The following DHX29 variants were observed in gnomAD, a reference collection of about 807,000 sequenced individuals.
DHX29 encodes ATP-dependent RNA helicase DHX29.
Under a neutral mutation model 167.9 loss-of-function variants are expected in DHX29, and 79 were observed. The observed-to-expected ratio is 0.47, with a 90% CI of 0.39 to 0.57. DHX29 has a LOEUF of 0.57. Among genes scored for constraint, DHX29 ranks in the 20% least tolerant of loss-of-function variants. DHX29 has a pLI of 0.00. For synonymous variants in DHX29, 530 were observed against 546.0 expected, an observed-to-expected ratio of 0.97 and a Z score of 0.41; for missense variants, 1,347 against 1,593.4, an observed-to-expected ratio of 0.85 and a Z score of 2.63.
chr5:55,259,685 A>G (rs71622170), intron 26 of DHX29, among the ~76,000 whole-genome samples, 163 bp downstream of exon 26: 8,924 of 152,160 alleles, frequency 0.059, 462 homozygotes, highest in African/African-American at 0.12. Flanking sequence ...CGAACTCCTG[A>G]CCTCAGGTGA....
chr5:55,270,895 AT>A (rs1327068136), intron 18 of DHX29, among the ~76,000 whole-genome samples, 189 bp from the exon 19 acceptor site: 1 of 152,232 alleles, frequency 6.6e-6, no homozygotes. Context: ...TATACTACAA[AT>A]TAAAAGTCTG....
intron 1 of DHX29, among the ~76,000 whole-genome samples, chr5:55,302,640 A>T (rs1748663386): frequency 6.6e-6 from 1 of 151,840 alleles, no homozygotes; most frequent in South Asian, 2.1e-4. Context: ...TACCCAGTTG[A>T]AAAGATTAAA....
chr5:55,290,336 C>A lies in DHX29; in HGVS notation c.789G>T (p.Arg263Ser). The A allele has an allele frequency of 6.3e-7, 1 of 1,598,838 alleles. No homozygotes were observed. The highest frequency in any genetic ancestry group is 8.5e-7 in the Non-Finnish European group (1 of 1,176,170). Residue 263 changes from arginine (R) to serine (S), a missense_variant, in exon 7 of 27, where the codon AGG becomes AGT. Transcript: ENST00000251636. ...EEEEKFDPNERYLHLAAKLLD... is the reference protein window; with the variant it reads ...EEEEKFDPNESYLHLAAKLLD... ...GCAGTTTTGCTGCAAGATGTAAGTACCTTTCATTCTGTTCCAAATAAAACA... is the reference window on the plus strand; with the variant it reads ...GCAGTTTTGCTGCAAGATGTAAGTAACTTTCATTCTGTTCCAAATAAAACA...
chr5:55,276,284 C>T lies in DHX29; in HGVS notation c.2409G>A (p.Gly803=). The T allele has an allele frequency of 6.3e-7, 1 of 1,581,176 alleles. No homozygotes were observed. Among genetic ancestry groups the T allele is most frequent in the Non-Finnish European group, 8.5e-7 (1 of 1,170,680 alleles). Residue 803 remains glycine (G), a synonymous_variant, in exon 14 of 27, where the codon GGG becomes GGA. Transcript: ENST00000251636. Reference sequence around the variant, plus strand: ...TTTTTACCTGATATTTTTTTATTCCCCCTGCTTTGCTTGTAACATTAATGG... The same window carrying T: ...TTTTTACCTGATATTTTTTTATTCCTCCTGCTTTGCTTGTAACATTAATGG... ...EVTINVTSKA[G]GIKKYQEYIP...
intron 1 of DHX29, among the ~76,000 whole-genome samples, chr5:55,299,401 T>C (rs190963520): frequency 9.3e-4 from 141 of 152,278 alleles, no homozygotes; most frequent in Non-Finnish European, 1.6e-3. Context: ...GGAGTTCCTA[T>C]CATCTTTTCT....
chr5:55,274,961 TA>T lies in DHX29; in HGVS notation c.2476del (p.Tyr826ThrfsTer15). The part of the protein sequence containing the change: ...TGAHADLNPF[Y>X]QKYSSRTQHA... ...CTGAGTGCGGCTGCTGTACTTTTGG[TA>T]AAATGGATTTAAATCAGCATGTGCT... is the stretch of plus-strand genomic sequence containing the variant. On this transcript the variant is annotated frameshift_variant, in exon 15 of 27. Coordinates refer to ENST00000251636, the MANE Select transcript of DHX29 (RefSeq NM_019030.4). LOFTEE classifies it high-confidence loss of function. 1 of 1,613,892 alleles carries T rather than the reference TA, an allele frequency of 6.2e-7. No individual in the cohort carries two copies. Among genetic ancestry groups the T allele is most frequent in the Middle Eastern group, 1.7e-4 (1 of 6,054 alleles).
chr5:55,290,417 CTG>C (rs1194018974), intron 6 of DHX29, 73 bp from the exon 7 acceptor site: 27 of 1,460,486 alleles, frequency 1.8e-5, no homozygotes, highest in African/African-American at 2.9e-5. Context: ...GGTCAATAAA[CTG>C]TATCAAAATC....
rs373038819 is a variant in DHX29 at position 55,276,860 on chromosome 5, C to T, written c.2286+246G>A. On this transcript the variant is annotated intron_variant, in intron 13 of 26. Transcript: ENST00000251636. ...CTTAATCTGAATATAATGATTTTCA[C>T]GTGAAAATAGGTTTATGTTCTTTAG... 1.7e-4 allele frequency among the ~76,000 whole-genome samples: 26 copies of T among 152,180 alleles called. No individual in the cohort carries two copies. The South Asian group carries it at 4.6e-3, about 27-fold the overall frequency.
rs2111963997 is a variant in DHX29 at position 55,297,335 on chromosome 5, T to C, written c.325A>G (p.Asn109Asp). ...CCAGAAATCATTCCTTTGTCATTATTTTGCTTTTTATGCTCATTGATCACT... is the reference window on the plus strand; with the variant it reads ...CCAGAAATCATTCCTTTGTCATTATCTTGCTTTTTATGCTCATTGATCACT... ...IGVINEHKKQ[N>D]NDKGMISGRL... The change falls in exon 3 of 27, where the codon AAT becomes GAT. Residue 109 changes from asparagine to aspartate, a missense_variant. Around this residue, in one of 3 missense-constraint regions of DHX29, gnomAD observed 405 missense variants for 416.8 expected, o/e 0.97. Coordinates refer to ENST00000251636, the MANE Select transcript of DHX29 (RefSeq NM_019030.4). The C allele has an allele frequency of 1.9e-6, 3 of 1,603,376 alleles. No individual in the cohort carries two copies. Among genetic ancestry groups the C allele is most frequent in the Non-Finnish European group, 2.6e-6 (3 of 1,171,490 alleles).
intron 1 of DHX29, among the ~76,000 whole-genome samples, chr5:55,307,107 A>C (rs906416651): frequency 6.6e-6 from 1 of 152,206 alleles, no homozygotes; most frequent in Non-Finnish European, 1.5e-5. Flanking sequence ...TTCCTGCTGA[A>C]ACAGGAGCTA....
Position 55,307,664 on chromosome 5 carries a change from C to G in DHX29, c.-91G>C. The stretch of plus-strand genomic sequence containing the variant: ...CTCTTCACATTCCCCGGCTCCGGGG[C>G]TGCCACCCTGCGCTTCGATCCGGGC... On this transcript the variant is annotated 5_prime_UTR_variant, in exon 1 of 27. Transcript: ENST00000251636. The G allele has an allele frequency of 1.3e-6, 2 of 1,485,878 alleles. No homozygotes were observed. The highest frequency in any genetic ancestry group is 1.8e-6 in the Non-Finnish European group (2 of 1,094,722). 92.0% of individuals were successfully genotyped at this position (1,485,878 alleles called of 1,614,324 possible).
At position 55,281,478 on chromosome 5, in the gene DHX29, C is replaced by T. The variant is rs764082163; in HGVS notation, c.2003G>A (p.Arg668Gln). ...LCGYQIRMES[R>Q]ACESTRLLYC... ...GAGTAACCTGGTAGATTCACAAGCT[C>T]GAGATTCCATCCGGATCTGATATCC... is the stretch of plus-strand genomic sequence containing the variant. Residue 668 changes from arginine to glutamine, a missense_variant, in exon 12 of 27, where the codon CGA becomes CAA. Arg to Gln is a conservative substitution (Grantham distance 43). Transcript: ENST00000251636. 1.7e-5 allele frequency: 27 copies of T among 1,595,590 alleles called. No homozygotes were observed. Among genetic ancestry groups the T allele is most frequent in the East Asian group, 2.3e-5 (1 of 43,616 alleles).
chr5:55,277,325 T>C (rs746812499), intron 12 of DHX29, 43 bp from the exon 13 acceptor site: 3 of 1,327,212 alleles, frequency 2.3e-6, no homozygotes, highest in Non-Finnish European at 3.1e-6. Context: ...ATATATTGTA[T>C]AAATTCTAGT....
At chr5:55,290,133 T>C (rs1021091936) in intron 7 of DHX29, 85 bp downstream of exon 7, 9 of 1,465,180 alleles carry the variant, frequency 6.1e-6, no homozygotes, top group Non-Finnish European at 7.4e-6. Context: ...GGTAGACATA[T>C]TAAAAGGAAG....
At position 55,273,473 on chromosome 5, in the gene DHX29, GATT is replaced by G. The variant is rs1305694306; in HGVS notation, c.2691-99_2691-97del. On this transcript the variant is annotated intron_variant, in intron 16 of 26. Transcript: ENST00000251636. ...ATTTGCATATAGCAAGCAACTTTAA[GATT>G]TTTTACTATGAAAAAATTTAAACAT... The G allele has an allele frequency of 5.4e-6, 7 of 1,294,746 alleles. No individual in the cohort carries two copies. The African/African-American group carries it at 8.9e-5, about 16-fold the overall frequency. 80.2% of individuals were successfully genotyped at this position (1,294,746 alleles called of 1,614,324 possible).
At chr5:55,267,283 CA>C (rs767957141) in intron 22 of DHX29, 52 bp from the exon 23 acceptor site, 2 of 1,405,910 alleles carry the variant, frequency 1.4e-6, no homozygotes, top group African/African-American at 2.9e-5. Context: ...GTTCTCTTTC[CA>C]AACTCTTTTT....
Position 55,290,268 on chromosome 5 carries a change from T to C in DHX29, c.857A>G (p.Asn286Ser), listed in dbSNP as rs150941078. The change falls in exon 7 of 27, where the codon AAC (asparagine) becomes AGC (serine). Residue 286 changes from asparagine to serine, a missense_variant. Physicochemically the swap from Asn to Ser is conservative, Grantham distance 46. Transcript: ENST00000251636. ...CTGAGCCTCTTTTTGGCCTTGCTTG[T>C]TTTTTTCTAGTTTAAAGGTAGCTGC... Reference protein sequence around the residue: ...EQAATFKLEKNKQGQKEAQEK... With the variant: ...EQAATFKLEKSKQGQKEAQEK... The C allele has an allele frequency of 3.1e-6, 5 of 1,612,106 alleles. No individual in the cohort carries two copies. The highest frequency in any genetic ancestry group is 1.1e-5 in the South Asian group (1 of 90,836).
rs1188027589 is a variant in DHX29 at position 55,297,407 on chromosome 5, G to T, written c.262-9C>A. 7 of 1,049,984 alleles carry T rather than the reference G, an allele frequency of 6.7e-6. No individual in the cohort carries two copies. The highest frequency in any genetic ancestry group is 4.4e-6 in the Non-Finnish European group (3 of 676,342). 65.0% of individuals were successfully genotyped at this position (1,049,984 alleles called of 1,614,324 possible). ...TTGTTATTAATTACCACCTGTTGAG[G>T]CCAAAAAGGTCATATCATTTAGAAG... On this transcript the variant is annotated splice_polypyrimidine_tract_variant and intron_variant, in intron 2 of 26. Coordinates refer to ENST00000251636, the MANE Select transcript of DHX29 (RefSeq NM_019030.4).
At chr5:55,263,310 T>A (rs191869630) in intron 23 of DHX29, among the ~76,000 whole-genome samples, 56 of 152,324 alleles carry the variant, frequency 3.7e-4, no homozygotes, top group Non-Finnish European at 6.8e-4. Context: ...ATCTTGATCC[T>A]AGATTGCAAG....
Sources: allele counts gnomAD v4.1 joint callset (sites outside exome capture counted in the v4.1 genomes callset), GRCh38; gene constraint gnomAD v4.1.1; regional missense constraint gnomAD v4.1.1; transcripts MANE v1.5; gene names NCBI Gene and HGNC (gene_info 2026-07-23, HGNC 2026-07-21).